AGBL4: variants seen among roughly 807,000 people sequenced by gnomAD.
AGBL4 encodes cytosolic carboxypeptidase 6.
Under a neutral mutation model 66.4 loss-of-function variants are expected in AGBL4, and 58 were observed. That is an observed-to-expected ratio of 0.87 (90% CI 0.71 to 1.09). The LOEUF (loss-of-function observed/expected upper bound fraction) is 1.09. AGBL4 is among the 50% of genes least tolerant of loss of function. AGBL4 has a pLI of 0.00. For synonymous variants in AGBL4, 234 were observed against 222.9 expected, an observed-to-expected ratio of 1.05 and a Z score of -0.44; for missense variants, 579 against 631.0, an observed-to-expected ratio of 0.92 and a Z score of 0.88.
At chr1:49,665,388 A>G (rs1350996919) in intron 3 of AGBL4, among the ~76,000 whole-genome samples, 1 of 152,174 alleles carries the variant, frequency 6.6e-6, no homozygotes, top group Non-Finnish European at 1.5e-5. Context: ...TACAAACTGT[A>G]TTAGGCTAGG....
intron 9 of AGBL4, among the ~76,000 whole-genome samples, chr1:48,630,572 G>A (rs1645576927): frequency 6.6e-6 from 1 of 152,134 alleles, no homozygotes; most frequent in Non-Finnish European, 1.5e-5. Context: ...ATTACCTCTA[G>A]ACTCCTCTTC....
At chr1:48,885,925 C>T (rs1650279187) in intron 5 of AGBL4, among the ~76,000 whole-genome samples, 1 of 152,238 alleles carries the variant, frequency 6.6e-6, no homozygotes, top group Admixed American at 6.5e-5. Context: ...GCAACCATCA[C>T]ACTGGGATGA....
intron 3 of AGBL4, among the ~76,000 whole-genome samples, chr1:49,317,045 C>T (rs1289702521): frequency 6.6e-6 from 1 of 151,678 alleles, no homozygotes; most frequent in Non-Finnish European, 1.5e-5. Context: ...ACATTTTTGT[C>T]TCTATATATC....
chr1:49,559,080 C>G (rs997359822), intron 3 of AGBL4, among the ~76,000 whole-genome samples: 1 of 152,102 alleles, frequency 6.6e-6, no homozygotes, highest in Admixed American at 6.5e-5. Context: ...AGCCCCAGAG[C>G]CTTTATGAAC....
intron 3 of AGBL4, among the ~76,000 whole-genome samples, chr1:49,324,976 C>G (rs1400255359): frequency 6.6e-6 from 1 of 152,178 alleles, no homozygotes; most frequent in Non-Finnish European, 1.5e-5. Context: ...CAAATAATCT[C>G]AAGGAATTTA....
intron 3 of AGBL4, among the ~76,000 whole-genome samples, chr1:49,549,103 G>A (rs916799648): frequency 1.3e-5 from 2 of 151,830 alleles, no homozygotes; most frequent in African/African-American, 4.8e-5. Context: ...CAGTAGCCTT[G>A]AATGATCTTT....
intron 3 of AGBL4, among the ~76,000 whole-genome samples, chr1:49,651,705 A>C (rs1646008623): frequency 6.6e-6 from 1 of 152,128 alleles, no homozygotes; most frequent in South Asian, 2.1e-4. Flanking sequence ...CAAATTAAAA[A>C]AAAAGAAATC....
intron 2 of AGBL4, among the ~76,000 whole-genome samples, chr1:49,849,393 TTTA>T (rs61688417): frequency 0.13 from 16,336 of 129,872 alleles, 1,456 homozygotes; most frequent in African/African-American, 0.25. Context: ...ATTCATCTAA[TTTA>T]TTATTATTAT....
At chr1:48,575,497 G>A (rs1644638638) in intron 11 of AGBL4, among the ~76,000 whole-genome samples, 1 of 152,136 alleles carries the variant, frequency 6.6e-6, no homozygotes, top group South Asian at 2.1e-4. Flanking sequence ...GGCAGCACTG[G>A]TGTGGTTGTG....
chr1:49,379,450 C>A (rs1183929825), intron 3 of AGBL4, among the ~76,000 whole-genome samples: 1 of 152,176 alleles, frequency 6.6e-6, no homozygotes, highest in African/African-American at 2.4e-5. Flanking sequence ...CTGCATCTTT[C>A]TTCGACATCA....
At chr1:49,348,738 A>G (rs1221467050) in intron 3 of AGBL4, among the ~76,000 whole-genome samples, 1 of 152,226 alleles carries the variant, frequency 6.6e-6, no homozygotes, top group Non-Finnish European at 1.5e-5. Flanking sequence ...AAGTTCTTAG[A>G]GCAGCCACAG....
At chr1:49,812,473 T>C (rs1645123204) in intron 2 of AGBL4, among the ~76,000 whole-genome samples, 1 of 151,992 alleles carries the variant, frequency 6.6e-6, no homozygotes, top group African/African-American at 2.4e-5. Flanking sequence ...CCTATATACA[T>C]CAAAAAAGAG....
At chr1:49,219,783 A>T (rs1245611242) in intron 4 of AGBL4, among the ~76,000 whole-genome samples, 1 of 152,148 alleles carries the variant, frequency 6.6e-6, no homozygotes, top group Non-Finnish European at 1.5e-5. Flanking sequence ...TCGTTGTCAA[A>T]GATTCCAGAA....
In AGBL4 at chr1:50,021,035, A is replaced by G. The variant is rs1662406489; in HGVS notation, c.34+2728T>C. On this transcript the variant is annotated intron_variant, in intron 1 of 13. Transcript: ENST00000371839. ...ATTTGAATTAAACAAAGACTGAGGC[A>G]TTATTTGCCTAAATGACCTGGCTTT... Among the ~76,000 whole-genome samples the G allele has an allele frequency of 3.3e-5, 5 of 152,228 alleles. No individual in the cohort carries two copies. The South Asian group carries it at 1.0e-3, about 31-fold the overall frequency.
At chr1:49,855,471 G>A (rs1434688388) in intron 1 of AGBL4, among the ~76,000 whole-genome samples, 2 of 152,106 alleles carry the variant, frequency 1.3e-5, no homozygotes, top group Non-Finnish European at 2.9e-5. Context: ...TCAGCACATG[G>A]AACAGTTTCA....
intron 3 of AGBL4, among the ~76,000 whole-genome samples, chr1:49,360,368 A>C (rs961564969): frequency 6.6e-6 from 1 of 152,240 alleles, no homozygotes; most frequent in Non-Finnish European, 1.5e-5. Context: ...TAAAACATAT[A>C]GTAGAATAAT....
intron 5 of AGBL4, among the ~76,000 whole-genome samples, chr1:48,868,061 T>G (rs4131647): frequency 0.013 from 1,981 of 152,272 alleles, 41 homozygotes; most frequent in African/African-American, 0.044. Context: ...AAGACTTGAG[T>G]CAGGGTTCCT....
chr1:48,870,335 G>T (rs879729072), intron 5 of AGBL4, among the ~76,000 whole-genome samples: 1 of 151,936 alleles, frequency 6.6e-6, no homozygotes, highest in African/African-American at 2.4e-5. Context: ...ATCATGTACC[G>T]TCTTCATTGT....
chr1:49,522,141 T>C (rs1650314770), intron 3 of AGBL4, among the ~76,000 whole-genome samples: 1 of 152,176 alleles, frequency 6.6e-6, no homozygotes, highest in African/African-American at 2.4e-5. Context: ...AATCTAATCA[T>C]ACTGCTATGA....
Sources: allele counts gnomAD v4.1 joint callset (sites outside exome capture counted in the v4.1 genomes callset), GRCh38; gene constraint gnomAD v4.1.1; transcripts MANE v1.5; gene names NCBI Gene and HGNC (gene_info 2026-07-23, HGNC 2026-07-21).